Variants in KCNMA1 observed in about 807,000 individuals in gnomAD.
KCNMA1 encodes potassium calcium-activated channel subfamily M alpha 1.
In KCNMA1, 29 loss-of-function variants were observed where a neutral mutation model predicts 140.0. That is an observed-to-expected ratio of 0.21 (90% CI 0.15 to 0.28). KCNMA1 has a LOEUF of 0.28. Ranked by LOEUF, KCNMA1 falls within the 10% of genes least tolerant of loss-of-function variation. The probability of loss-of-function intolerance (pLI) is 1.00; values close to 1 mark genes in which losing one functional copy is unlikely to be tolerated. For synonymous variants in KCNMA1, 612 were observed against 611.9 expected (o/e 1.00, Z 0.00); for missense variants, 880 against 1,602.2 (o/e 0.55, Z 7.70).
At chr10:77,166,036 A>C (rs2098638119) in intron 5 of KCNMA1, among the ~76,000 whole-genome samples, 1 of 152,186 alleles carries the variant, frequency 6.6e-6, no homozygotes, top group Non-Finnish European at 1.5e-5. Context: ...ACATTAGGGC[A>C]GGTCAGTGCA....
At chr10:76,946,289 C>T (rs979237269) in intron 22 of KCNMA1, among the ~76,000 whole-genome samples, 2 of 152,174 alleles carry the variant, frequency 1.3e-5, no homozygotes, top group African/African-American at 2.4e-5. Context: ...TGTCTGGCCA[C>T]CAGCTTCATT....
rs550410161 is a variant in KCNMA1 at position 76,890,218 on chromosome 10, G to A, written c.3343-649C>T. On this transcript the variant is annotated intron_variant, in intron 26 of 27. Coordinates refer to ENST00000286628, the MANE Select transcript of KCNMA1 (RefSeq NM_001161352.2). ...TTCACAGCCACCTTCCCGGGGTCTG[G>A]GGCCTGATGCAGAAAGTGAAAGCAA... Among the ~76,000 whole-genome samples, 7 of 152,296 alleles carry A rather than the reference G, an allele frequency of 4.6e-5. No individual in the cohort carries two copies. In the South Asian group the frequency reaches 8.3e-4, roughly 18 times the overall value.
chr10:77,515,219 G>T (rs992724726), intron 1 of KCNMA1, among the ~76,000 whole-genome samples: 2 of 152,152 alleles, frequency 1.3e-5, no homozygotes, highest in African/African-American at 4.8e-5. Context: ...GGATGGGGGG[G>T]AAAGGAGAGC....
At chr10:77,296,495 G>A (rs2075149129) in intron 2 of KCNMA1, among the ~76,000 whole-genome samples, 2 of 152,146 alleles carry the variant, frequency 1.3e-5, no homozygotes, top group African/African-American at 4.8e-5. Context: ...AACTAATATG[G>A]AGGTAAACCT....
intron 20 of KCNMA1, among the ~76,000 whole-genome samples, 157 bp downstream of exon 20, chr10:76,969,817 T>C (rs1210155835): frequency 1.3e-5 from 2 of 152,194 alleles, no homozygotes; most frequent in Admixed American, 6.5e-5. Context: ...GAATAAATAC[T>C]CCAGCCTTTA....
chr10:77,444,893 C>A (rs780483864), intron 1 of KCNMA1, among the ~76,000 whole-genome samples: 1 of 152,144 alleles, frequency 6.6e-6, no homozygotes, highest in Non-Finnish European at 1.5e-5. Flanking sequence ...AGAGGGAATT[C>A]TCCACTTGAG....
chr10:77,344,490 T>C (rs2154379336), intron 2 of KCNMA1, among the ~76,000 whole-genome samples: 1 of 152,334 alleles, frequency 6.6e-6, no homozygotes, highest in South Asian at 2.1e-4. Context: ...ATCTTGAAGC[T>C]TATTTGGTCC....
intron 1 of KCNMA1, among the ~76,000 whole-genome samples, chr10:77,552,274 T>C (rs1158207720): frequency 6.6e-6 from 1 of 152,208 alleles, no homozygotes; most frequent in East Asian, 1.9e-4. Context: ...GTGCCTGGAT[T>C]AAACCATTAG....
At chr10:77,194,456 C>A (rs1010548211) in intron 3 of KCNMA1, among the ~76,000 whole-genome samples, 2 of 152,266 alleles carry the variant, frequency 1.3e-5, no homozygotes, top group Middle Eastern at 6.8e-3. Context: ...GCCCTCCTAC[C>A]TGGCTTTGAC....
chr10:77,021,510 C>A (rs17480203), intron 16 of KCNMA1, among the ~76,000 whole-genome samples: 1 of 152,104 alleles, frequency 6.6e-6, no homozygotes, highest in Non-Finnish European at 1.5e-5. Context: ...AGGAGGTGCC[C>A]TATTGGCATT....
At chr10:77,387,187 C>G (rs1337814902) in intron 2 of KCNMA1, among the ~76,000 whole-genome samples, 1 of 152,208 alleles carries the variant, frequency 6.6e-6, no homozygotes, top group African/African-American at 2.4e-5. Context: ...AATCCACCCC[C>G]TCTGCTCTCC....
intron 6 of KCNMA1, among the ~76,000 whole-genome samples, chr10:77,114,951 G>C (rs772038107): frequency 2.0e-5 from 3 of 152,184 alleles, no homozygotes; most frequent in Non-Finnish European, 4.4e-5. Context: ...GAGAACCAAT[G>C]ATTTAAATTC....
intron 23 of KCNMA1, among the ~76,000 whole-genome samples, chr10:76,928,289 G>GCGCACA (rs1478548715): frequency 1.3e-3 from 93 of 73,382 alleles, no homozygotes; most frequent in African/African-American, 3.3e-3. Context: ...ACACGCGCGC[G>GCGCACA]CACACACACA....
intron 2 of KCNMA1, among the ~76,000 whole-genome samples, chr10:77,378,989 C>T (rs2095286599): frequency 6.6e-6 from 1 of 152,172 alleles, no homozygotes; most frequent in Non-Finnish European, 1.5e-5. Flanking sequence ...TGTTCAGTTA[C>T]AAGCAACAAG....
chr10:77,139,139 C>T (rs561363120), intron 5 of KCNMA1, among the ~76,000 whole-genome samples: 2 of 152,288 alleles, frequency 1.3e-5, no homozygotes, highest in Admixed American at 6.5e-5. Flanking sequence ...ATGCATTAAT[C>T]CTTTCAAAGG....
At chr10:77,547,897 G>T (rs1013317223) in intron 1 of KCNMA1, among the ~76,000 whole-genome samples, 2 of 152,112 alleles carry the variant, frequency 1.3e-5, no homozygotes, top group African/African-American at 4.8e-5. Flanking sequence ...ATGCTCATCT[G>T]TTCTGGGGTG....
intron 6 of KCNMA1, among the ~76,000 whole-genome samples, chr10:77,113,853 G>A (rs1038333769): frequency 2.6e-5 from 4 of 152,176 alleles, no homozygotes; most frequent in African/African-American, 9.7e-5. Flanking sequence ...GTTTTTGTGT[G>A]TGACAAGAGC....
At chr10:77,384,538 T>C (rs1231310395) in intron 2 of KCNMA1, among the ~76,000 whole-genome samples, 1 of 152,158 alleles carries the variant, frequency 6.6e-6, no homozygotes, top group Non-Finnish European at 1.5e-5. Flanking sequence ...TTACCATCCA[T>C]CGTCACATCC....
chr10:77,245,067 T>C (rs1371264557), intron 3 of KCNMA1, among the ~76,000 whole-genome samples: 1 of 149,894 alleles, frequency 6.7e-6, no homozygotes, highest in African/African-American at 2.5e-5. Context: ...CTGGGGGGAG[T>C]ATTTTAAAAG....
Sources: gnomAD v4.1 joint callset for allele counts (sites outside exome capture counted in the v4.1 genomes callset) on GRCh38, gnomAD v4.1.1 for gene constraint, MANE v1.5 for transcripts, NCBI Gene and HGNC (gene_info 2026-07-23, HGNC 2026-07-21) for gene names.